PXDNL: variants seen among roughly 807,000 people sequenced by gnomAD.
PXDNL encodes the protein probable oxidoreductase PXDNL.
A neutral mutation model predicts 150.8 loss-of-function variants in PXDNL; 145 were observed. The observed-to-expected ratio is 0.96, with a 90% CI of 0.84 to 1.10. The LOEUF (loss-of-function observed/expected upper bound fraction) is 1.10. Among genes scored for constraint, PXDNL ranks in the 50% least tolerant of loss-of-function variants. The pLI is 0.00. For synonymous variants in PXDNL, 757 were observed against 725.7 expected, an observed-to-expected ratio of 1.04 and a Z score of -0.69; for missense variants, 2,087 against 1,873.9, an observed-to-expected ratio of 1.11 and a Z score of -2.10.
intron 1 of PXDNL, among the ~76,000 whole-genome samples, chr8:51,719,270 A>G (rs1044297391): frequency 2.1e-4 from 32 of 152,218 alleles, no homozygotes; most frequent in Non-Finnish European, 4.3e-4. Context: ...AAGTAGACAT[A>G]GGAGACTCCA....
intron 2 of PXDNL, among the ~76,000 whole-genome samples, chr8:51,610,051 C>T (rs972916902): frequency 1.2e-4 from 19 of 152,036 alleles, no homozygotes; most frequent in East Asian, 3.9e-4. Context: ...TTTTTCAACA[C>T]GCAGCTCTAG....
chr8:51,683,164 CATATATATATATATATATAT>C lies in PXDNL; in HGVS notation c.165-28424_165-28405del, dbSNP rs71237228. Among the ~76,000 whole-genome samples the C allele has an allele frequency of 1.4e-3, 61 of 44,462 alleles. 2 individuals are homozygous for C. Among genetic ancestry groups the C allele is most frequent in the East Asian group, 4.0e-3 (2 of 496 alleles). The allele number at this position is 44,462 out of a possible 152,430, so 29.2% of individuals were successfully genotyped here. On this transcript the variant is annotated intron_variant, in intron 1 of 22. Transcript: ENST00000356297. ...ATCCTTACTAACACCAATTGTCTTT[CATATATATATATATATATAT>C]ATATATATATATATATGCCTATTAG... is the stretch of plus-strand genomic sequence containing the variant.
chr8:51,785,124 T>C (rs1416614420), intron 1 of PXDNL, among the ~76,000 whole-genome samples: 2 of 152,178 alleles, frequency 1.3e-5, no homozygotes, highest in Non-Finnish European at 2.9e-5. Context: ...GAACAAGCTG[T>C]TTCTAGGATG....
At chr8:51,338,887 C>G (rs574980170) in intron 21 of PXDNL, among the ~76,000 whole-genome samples, 1 of 152,156 alleles carries the variant, frequency 6.6e-6, no homozygotes, top group South Asian at 2.1e-4. Flanking sequence ...GAAAACAGTA[C>G]TTCCTAAGAA....
intron 3 of PXDNL, among the ~76,000 whole-genome samples, chr8:51,585,782 T>C (rs1813310417): frequency 6.6e-6 from 1 of 152,158 alleles, no homozygotes; most frequent in South Asian, 2.1e-4. Flanking sequence ...ATACTTGCCA[T>C]AACACAAACA....
chr8:51,473,274 A>ACACACACACAC (rs138310321), intron 7 of PXDNL, among the ~76,000 whole-genome samples: 1 of 133,940 alleles, frequency 7.5e-6, no homozygotes, highest in Non-Finnish European at 1.6e-5. Flanking sequence ...GTAGAAAATA[A>ACACACACACAC]ACACACACAC....
chr8:51,707,620 G>T (rs1816408715), intron 1 of PXDNL, among the ~76,000 whole-genome samples: 1 of 152,132 alleles, frequency 6.6e-6, no homozygotes, highest in African/African-American at 2.4e-5. Context: ...CACATCTCTA[G>T]AACTTATTTG....
intron 1 of PXDNL, among the ~76,000 whole-genome samples, chr8:51,731,700 T>C (rs1221019790): frequency 2.0e-5 from 3 of 152,222 alleles, no homozygotes; most frequent in Non-Finnish European, 4.4e-5. Flanking sequence ...CTCTGAAATC[T>C]AGGCAGGGGT....
At chr8:51,537,643 CT>C (rs1274523167) in intron 4 of PXDNL, among the ~76,000 whole-genome samples, 5 of 152,164 alleles carry the variant, frequency 3.3e-5, no homozygotes, top group African/African-American at 1.2e-4. Context: ...GGGCCTTTTC[CT>C]TGGAAACCTT....
intron 2 of PXDNL, among the ~76,000 whole-genome samples, chr8:51,620,826 G>A (rs765223248): frequency 2.7e-4 from 41 of 152,288 alleles, no homozygotes; most frequent in Non-Finnish European, 4.3e-4. Context: ...GATTATAGGC[G>A]TGGGCCACCA....
chr8:51,694,994 G>A (rs1476536363), intron 1 of PXDNL, among the ~76,000 whole-genome samples: 2 of 152,256 alleles, frequency 1.3e-5, no homozygotes, highest in East Asian at 3.9e-4. Context: ...TATCTGAGTG[G>A]GTTCAGAGCC....
chr8:51,674,237 T>C (rs1471071157), intron 1 of PXDNL, among the ~76,000 whole-genome samples: 1 of 152,206 alleles, frequency 6.6e-6, no homozygotes, highest in Non-Finnish European at 1.5e-5. Flanking sequence ...AAAGATTGCA[T>C]TGAGGCTTTG....
intron 3 of PXDNL, among the ~76,000 whole-genome samples, chr8:51,588,217 T>A (rs975384716): frequency 2.0e-5 from 3 of 152,174 alleles, no homozygotes; most frequent in African/African-American, 7.2e-5. Context: ...AGAAAAGATA[T>A]AAGAACTTGC....
intron 5 of PXDNL, among the ~76,000 whole-genome samples, chr8:51,498,270 G>A (rs1169474502): frequency 1.8e-4 from 26 of 141,974 alleles, no homozygotes; most frequent in African/African-American, 5.7e-4. Context: ...ATCACACACC[G>A]GGGCCTGTTG....
At chr8:51,774,689 G>C (rs879623229) in intron 1 of PXDNL, among the ~76,000 whole-genome samples, 5 of 151,988 alleles carry the variant, frequency 3.3e-5, no homozygotes, top group Non-Finnish European at 7.4e-5. Context: ...ATGGTGGTGG[G>C]TGCCTGTAGT....
intron 19 of PXDNL, among the ~76,000 whole-genome samples, chr8:51,369,223 A>T (rs1186790653): frequency 6.6e-6 from 1 of 152,162 alleles, no homozygotes; most frequent in African/African-American, 2.4e-5. Context: ...GACTCAATGT[A>T]GTCAATACCA....
intron 4 of PXDNL, among the ~76,000 whole-genome samples, chr8:51,547,327 A>G (rs1812382560): frequency 6.6e-6 from 1 of 152,196 alleles, no homozygotes; most frequent in Non-Finnish European, 1.5e-5. Context: ...CACCCTGGCT[A>G]ACCACAGATC....
intron 4 of PXDNL, among the ~76,000 whole-genome samples, chr8:51,520,437 A>C (rs74693227): frequency 0.024 from 3,624 of 152,134 alleles, 150 homozygotes; most frequent in African/African-American, 0.082. Flanking sequence ...ACGCCGCACC[A>C]GGAGGAGGGA....
In PXDNL at chr8:51,409,486, C is replaced by T. The variant is rs757556498; in HGVS notation, c.2138G>A (p.Arg713Lys). 6.2e-7 allele frequency: 1 copy of T among 1,612,352 alleles called. No homozygotes were observed. The highest frequency in any genetic ancestry group is 8.5e-7 in the Non-Finnish European group (1 of 1,179,588). ...CCGGTTGGAGCAGTTTGGCAGAGGC[C>T]TGCGAGCTGTGCATCCAGATAAATT... Reference protein sequence around the residue: ...IANLSGCTARRPLPNCSNRCF... With the variant: ...IANLSGCTARKPLPNCSNRCF... The change falls in exon 17 of 23, where the codon AGG becomes AAG. Residue 713 changes from arginine to lysine, a missense_variant. By Grantham distance (26) the Arg-to-Lys change is conservative (BLOSUM62 2). Coordinates refer to ENST00000356297, the MANE Select transcript of PXDNL (RefSeq NM_144651.5).
Sources: allele counts gnomAD v4.1 joint callset (sites outside exome capture counted in the v4.1 genomes callset), GRCh38; gene constraint gnomAD v4.1.1; transcripts MANE v1.5; gene names NCBI Gene and HGNC (gene_info 2026-07-23, HGNC 2026-07-21).